The following ABHD13 variants were observed in gnomAD, a reference collection of about 807,000 sequenced individuals.
The protein encoded by ABHD13 is abhydrolase domain containing 13.
In ABHD13, 7 loss-of-function variants were observed where a neutral mutation model predicts 25.2. The ratio of observed to expected loss-of-function variants is 0.28; its 90% CI spans 0.16 to 0.52. ABHD13 has a LOEUF of 0.52. Ranked by LOEUF, ABHD13 falls within the 20% of genes least tolerant of loss-of-function variation. The pLI is 0.96. For synonymous variants in ABHD13, 133 were observed against 136.1 expected (o/e 0.98, Z 0.16); for missense variants, 302 against 402.7 (o/e 0.75, Z 2.14).
chr13:108,225,641 T>TA (rs1879657361), intron 1 of ABHD13, among the ~76,000 whole-genome samples: 1 of 151,890 alleles, frequency 6.6e-6, no homozygotes, highest in African/African-American at 2.4e-5. Context: ...TGGCGGTGGT[T>TA]AAAACCACAG....
chr13:108,219,207 G>A (rs1026836344), intron 1 of ABHD13, among the ~76,000 whole-genome samples: 3 of 152,130 alleles, frequency 2.0e-5, no homozygotes, highest in African/African-American at 4.8e-5. Flanking sequence ...ATGACAGGAA[G>A]TTCTGGGGTT....
intron 1 of ABHD13, among the ~76,000 whole-genome samples, chr13:108,222,772 T>G (rs1472061507): frequency 1.3e-5 from 2 of 152,218 alleles, no homozygotes; most frequent in East Asian, 1.9e-4. Context: ...CATACTCACA[T>G]AAATAAAATT....
chr13:108,223,865 C>T (rs1879617913), intron 1 of ABHD13, among the ~76,000 whole-genome samples: 1 of 152,172 alleles, frequency 6.6e-6, no homozygotes, highest in Non-Finnish European at 1.5e-5. Flanking sequence ...TTCCTCTATG[C>T]TATCCTTGCC....
chr13:108,229,291 C>G lies in ABHD13; in HGVS notation c.73C>G (p.Leu25Val). Reference sequence around the variant, plus strand: ...AGCCTTGGCTTCATGGTCTTGGGCTCTCTGCCGTATTTCTCTTTTACCTTT... The same window carrying G: ...AGCCTTGGCTTCATGGTCTTGGGCTGTCTGCCGTATTTCTCTTTTACCTTT... ...LIALASWSWA[L>V]CRISLLPLIV... The change falls in exon 2 of 2, where the codon CTC becomes GTC. Residue 25 changes from leucine to valine, a missense_variant. By Grantham distance (32) the Leu-to-Val change is conservative (BLOSUM62 1). Coordinates refer to ENST00000375898, the MANE Select transcript of ABHD13 (RefSeq NM_032859.3). This position sits in a 1 kb window ranked among gnomAD's most constrained non-coding sequence, Gnocchi z 4.7. 2 of 1,608,172 alleles carry G rather than the reference C, an allele frequency of 1.2e-6. No homozygotes were observed. The highest frequency in any genetic ancestry group is 2.2e-5 in the South Asian group (2 of 89,956).
intron 1 of ABHD13, among the ~76,000 whole-genome samples, chr13:108,222,172 A>G (rs1387702185): frequency 6.6e-6 from 1 of 152,160 alleles, no homozygotes; most frequent in Non-Finnish European, 1.5e-5. Context: ...AATAATTAGA[A>G]TAACTAGAAT....
chr13:108,228,614 T>G (rs1367648321), intron 1 of ABHD13, among the ~76,000 whole-genome samples: 1 of 151,860 alleles, frequency 6.6e-6, no homozygotes, highest in Non-Finnish European at 1.5e-5. Flanking sequence ...TTTTATTTTG[T>G]TTTGCCCAAC....
At chr13:108,228,753 A>T (rs1879725438) in intron 1 of ABHD13, among the ~76,000 whole-genome samples, 2 of 152,024 alleles carry the variant, frequency 1.3e-5, no homozygotes, top group East Asian at 3.9e-4. Context: ...GACATACGTA[A>T]CCTAACAGCA....
rs991753201 is a variant in ABHD13, at chr13:108,234,177, C to A, written c.*3945C>A. ...TACATTTGTTTTTTACAATAAATTT[C>A]TTTTAAAATATACTTTCTATTTTTC... On this transcript the variant is annotated 3_prime_UTR_variant, in exon 2 of 2. Transcript: ENST00000375898. The A allele has an allele frequency of 6.0e-6, 1 of 166,800 alleles. No individual in the cohort carries two copies. The highest frequency in any genetic ancestry group is 2.4e-5 in the African/African-American group (1 of 41,430). The allele number at this position is 166,800 out of a possible 1,614,324, so 10.3% of individuals were successfully genotyped here. A position where few individuals can be genotyped will look rare whatever the true frequency, so the allele number is the denominator to read the frequency against.
At position 108,231,785 on chromosome 13, in the gene ABHD13, A is replaced by G. The variant is rs1365252764; in HGVS notation, c.*1553A>G. The G allele has an allele frequency of 6.0e-6, 1 of 166,856 alleles. No homozygotes were observed. Among genetic ancestry groups the G allele is most frequent in the Non-Finnish European group, 1.5e-5 (1 of 67,948 alleles). 10.3% of individuals were successfully genotyped at this position (166,856 alleles called of 1,614,324 possible). A position where few individuals can be genotyped will look rare whatever the true frequency, so the allele number is the denominator to read the frequency against. On this transcript the variant is annotated 3_prime_UTR_variant, in exon 2 of 2. Transcript: ENST00000375898. ...TTTCAATGGAGATAGGGCTAGAAAT[A>G]CTTTTGCCAAATAGCATTCTTATTC...
At chr13:108,225,431 C>T (rs1038364374) in intron 1 of ABHD13, among the ~76,000 whole-genome samples, 4 of 152,022 alleles carry the variant, frequency 2.6e-5, no homozygotes, top group Non-Finnish European at 4.4e-5. Flanking sequence ...GCCTGCTTTT[C>T]GGGGTATAGG....
Position 108,218,599 on chromosome 13 carries a change from C to T in ABHD13, c.-81C>T, listed in dbSNP as rs1566377262. On this transcript the variant is annotated 5_prime_UTR_variant, in exon 1 of 2. Coordinates refer to ENST00000375898, the MANE Select transcript of ABHD13 (RefSeq NM_032859.3). ...GCGACGGAAGCGACGCGGGGGTACG[C>T]TGCTGCGCGGCGCCCGGTTTCGTGC... is the stretch of plus-strand genomic sequence containing the variant. 1 of 152,210 alleles carries T rather than the reference C, an allele frequency of 6.6e-6. No homozygotes were observed. Among genetic ancestry groups the T allele is most frequent in the African/African-American group, 2.4e-5 (1 of 41,554 alleles). 9.4% of individuals were successfully genotyped at this position (152,210 alleles called of 1,614,324 possible).
intron 1 of ABHD13, among the ~76,000 whole-genome samples, chr13:108,225,135 A>T (rs1879648225): frequency 6.6e-6 from 1 of 152,182 alleles, no homozygotes; most frequent in African/African-American, 2.4e-5. Context: ...CTGGGTTTTT[A>T]AAAAATGTAT....
chr13:108,233,552 GA>G lies in ABHD13; in HGVS notation c.*3325del, dbSNP rs1879855144. 4.8e-5 allele frequency: 8 copies of G among 166,498 alleles called. No individual in the cohort carries two copies. The highest frequency in any genetic ancestry group is 1.0e-4 in the Non-Finnish European group (7 of 67,886). 10.3% of individuals were successfully genotyped at this position (166,498 alleles called of 1,614,324 possible). ...TATGTATTTTTAAAAACTGTGAGAG[GA>G]AAAATTAGTCATAACCCTTTTGGGT... On this transcript the variant is annotated 3_prime_UTR_variant, in exon 2 of 2. Coordinates refer to ENST00000375898, the MANE Select transcript of ABHD13 (RefSeq NM_032859.3).
chr13:108,221,822 A>G (rs1272480664), intron 1 of ABHD13, among the ~76,000 whole-genome samples: 1 of 151,970 alleles, frequency 6.6e-6, no homozygotes, highest in African/African-American at 2.4e-5. Flanking sequence ...CTCGATATAC[A>G]ATATGCAAAA....
chr13:108,229,977 C>A lies in ABHD13; in HGVS notation c.759C>A (p.Ile253=). ...YKNKFLSYRK[I]SQCRMPSLFI... ...ATAAATTTTTGTCCTACAGAAAAAT[C>A]TCTCAGTGTAGAATGCCTTCACTTT... The change falls in exon 2 of 2, where the codon ATC becomes ATA. Residue 253 remains isoleucine (I), a synonymous_variant. Coordinates refer to ENST00000375898, the MANE Select transcript of ABHD13 (RefSeq NM_032859.3). This position sits in a 1 kb window ranked among gnomAD's most constrained non-coding sequence, Gnocchi z 4.7. The A allele has an allele frequency of 6.2e-7, 1 of 1,613,228 alleles. No individual in the cohort carries two copies. Among genetic ancestry groups the A allele is most frequent in the Non-Finnish European group, 8.5e-7 (1 of 1,179,412 alleles).
At position 108,232,142 on chromosome 13, in the gene ABHD13, C is replaced by CATT. The variant is rs1333164693; in HGVS notation, c.*1912_*1914dup. Reference sequence around the variant, plus strand: ...AACCTTATGTTTTTATGTAATCAGTCATTACACTAGGGAGAAATTTATCAG... The same window carrying CATT: ...AACCTTATGTTTTTATGTAATCAGTCATTATTACACTAGGGAGAAATTTATCAG... On this transcript the variant is annotated 3_prime_UTR_variant, in exon 2 of 2. Coordinates refer to ENST00000375898, the MANE Select transcript of ABHD13 (RefSeq NM_032859.3). 1.2e-5 allele frequency: 2 copies of CATT among 166,540 alleles called. No homozygotes were observed. Among genetic ancestry groups the CATT allele is most frequent in the East Asian group, 3.8e-4 (2 of 5,200 alleles). 10.3% of individuals were successfully genotyped at this position (166,540 alleles called of 1,614,324 possible).
At position 108,229,114 on chromosome 13, in the gene ABHD13, C is replaced by A; in HGVS notation, c.-20-85C>A. The A allele has an allele frequency of 9.8e-7, 1 of 1,022,834 alleles. No homozygotes were observed. Among genetic ancestry groups the A allele is most frequent in the Non-Finnish European group, 1.4e-6 (1 of 707,930 alleles). The allele number at this position is 1,022,834 out of a possible 1,614,324, so 63.4% of individuals were successfully genotyped here. ...TACCATATTTAACAATTACATGTGGCCTAGTACCATAGTTTATTATATTGT... is the reference window on the plus strand; with the variant it reads ...TACCATATTTAACAATTACATGTGGACTAGTACCATAGTTTATTATATTGT... On this transcript the variant is annotated intron_variant, in intron 1 of 1. Transcript: ENST00000375898. The surrounding 1 kb of genome is among the most constrained non-coding windows in gnomAD (Gnocchi z 4.7).
Position 108,229,235 on chromosome 13 carries a change from T to G in ABHD13, c.17T>G (p.Met6Arg), listed in dbSNP as rs1035307462. Reference protein sequence around the residue: MEKSWMLWNFVERWLI... With the variant: MEKSWRLWNFVERWLI... ...AGAGCTACAATGGAAAAGTCCTGGA[T>G]GCTGTGGAACTTTGTTGAAAGATGG... Residue 6 changes from methionine (M) to arginine (R), a missense_variant, in exon 2 of 2, where the codon ATG (methionine) becomes AGG (arginine). By Grantham distance (91) the Met-to-Arg change is moderately conservative. Coordinates refer to ENST00000375898, the MANE Select transcript of ABHD13 (RefSeq NM_032859.3). This position sits in a 1 kb window ranked among gnomAD's most constrained non-coding sequence, Gnocchi z 4.7. The G allele has an allele frequency of 3.9e-6, 6 of 1,556,614 alleles. No individual in the cohort carries two copies. The Admixed American group carries it at 1.2e-4, about 32-fold the overall frequency.
rs16972159 is a variant in ABHD13 at position 108,226,670 on chromosome 13, T to C, written c.-20-2529T>C. Among the ~76,000 whole-genome samples, 1,028 of 152,292 alleles carry C rather than the reference T, an allele frequency of 6.8e-3. 13 individuals carry two copies. The highest frequency in any genetic ancestry group is 0.024 in the African/African-American group (989 of 41,574). ...ATGCAGTCGACTTTATTAGAGGCAGTGTTTGTTTCTATTGACTGTCATAAC... is the reference window on the plus strand; with the variant it reads ...ATGCAGTCGACTTTATTAGAGGCAGCGTTTGTTTCTATTGACTGTCATAAC... On this transcript the variant is annotated intron_variant, in intron 1 of 1. Transcript: ENST00000375898.
Sources: gnomAD v4.1 joint callset for allele counts (sites outside exome capture counted in the v4.1 genomes callset) on GRCh38, gnomAD v4.1.1 for gene constraint, Gnocchi (gnomAD v3.1) non-coding constraint, MANE v1.5 for transcripts, NCBI Gene and HGNC (gene_info 2026-07-23, HGNC 2026-07-21) for gene names.